The following ALPL variants were observed in gnomAD, a reference collection of about 807,000 sequenced individuals.
ALPL encodes the protein alkaline phosphatase, tissue-nonspecific isozyme.
Under a neutral mutation model 51.3 loss-of-function variants are expected in ALPL, and 42 were observed. The ratio of observed to expected loss-of-function variants is 0.82; its 90% CI spans 0.64 to 1.06. The LOEUF is 1.06. Ranked by LOEUF, ALPL falls within the 50% of genes least tolerant of loss-of-function variation. The pLI is 0.00. For missense variants in ALPL, 589 were observed against 709.4 expected, an observed-to-expected ratio of 0.83 and a Z score of 1.93; for synonymous variants, 279 against 296.4, an observed-to-expected ratio of 0.94 and a Z score of 0.60.
At chr1:21,544,451 CAA>C in intron 1 of ALPL, among the ~76,000 whole-genome samples, 1 of 152,186 alleles carries the variant, frequency 6.6e-6, no homozygotes, top group East Asian at 1.9e-4. Context: ...AATTTTAAAA[CAA>C]AATTATGAGC....
chr1:21,516,598 C>T (rs1275885572), intron 1 of ALPL, among the ~76,000 whole-genome samples: 1 of 152,186 alleles, frequency 6.6e-6, no homozygotes, highest in Non-Finnish European at 1.5e-5. Flanking sequence ...TGTTTGTTCC[C>T]TGCGGTGACC....
chr1:21,527,220 C>T (rs1345694081), intron 1 of ALPL, among the ~76,000 whole-genome samples: 3 of 151,716 alleles, frequency 2.0e-5, no homozygotes, highest in Admixed American at 6.6e-5. Flanking sequence ...TTAGTAGAGA[C>T]GGGGTTTCTC....
chr1:21,522,680 T>C (rs900415743), intron 1 of ALPL, among the ~76,000 whole-genome samples: 1 of 152,152 alleles, frequency 6.6e-6, no homozygotes, highest in African/African-American at 2.4e-5. Context: ...GACTATAAAA[T>C]GCCTCATCCA....
chr1:21,568,365 C>A, intron 7 of ALPL, 118 bp downstream of exon 7: 1 of 1,406,820 alleles, frequency 7.1e-7, no homozygotes. Flanking sequence ...ATCTTTCCTC[C>A]ATGGGCTCAA....
upstream of ALPL, among the ~76,000 whole-genome samples, chr1:21,509,166 C>G (rs1040530789): frequency 6.6e-6 from 1 of 152,072 alleles, no homozygotes; most frequent in East Asian, 1.9e-4. This position sits in a 1 kb window ranked among gnomAD's most constrained non-coding sequence, Gnocchi z 6.0. Flanking sequence ...AGCCCGGAGG[C>G]AGAGAGACCG....
intron 1 of ALPL, among the ~76,000 whole-genome samples, chr1:21,514,916 C>G (rs1643764872): frequency 6.6e-6 from 1 of 152,120 alleles, no homozygotes; most frequent in Non-Finnish European, 1.5e-5. Context: ...TTACTCCTCC[C>G]CTAGGTCTCT....
At chr1:21,570,752 G>T (rs1644636234) in intron 8 of ALPL, among the ~76,000 whole-genome samples, 2 of 152,194 alleles carry the variant, frequency 1.3e-5, no homozygotes, top group Non-Finnish European at 2.9e-5. Context: ...TGTGTGCATG[G>T]CCAGGGCAGA....
chr1:21,559,489 A>G (rs1697417), intron 2 of ALPL, among the ~76,000 whole-genome samples: 51,300 of 152,050 alleles, frequency 0.34, 9,056 homozygotes, highest in Middle Eastern at 0.44. Flanking sequence ...GAGGGAGGTG[A>G]CAGAGCTAGT....
chr1:21,571,596 C>T (rs911992843), intron 8 of ALPL, among the ~76,000 whole-genome samples: 5 of 151,986 alleles, frequency 3.3e-5, no homozygotes, highest in Admixed American at 2.6e-4. Flanking sequence ...GGTATGAACC[C>T]GGGAGGCGGA....
At chr1:21,525,936 C>G (rs952693128) in intron 1 of ALPL, among the ~76,000 whole-genome samples, 1 of 151,978 alleles carries the variant, frequency 6.6e-6, no homozygotes, top group Non-Finnish European at 1.5e-5. Flanking sequence ...GGCAGTGAGC[C>G]AAGATGGCAC....
chr1:21,570,074 T>G (rs1180873822), intron 7 of ALPL, among the ~76,000 whole-genome samples: 1 of 152,170 alleles, frequency 6.6e-6, no homozygotes, highest in African/African-American at 2.4e-5. Context: ...GTCCTGTGTC[T>G]GGGCTCACGG....
At chr1:21,562,170 CT>C (rs1644494039) in intron 4 of ALPL, among the ~76,000 whole-genome samples, 3 of 152,278 alleles carry the variant, frequency 2.0e-5, no homozygotes, top group Admixed American at 1.3e-4. Flanking sequence ...CTACAGTAGT[CT>C]TTTAAGTGTG....
intron 1 of ALPL, among the ~76,000 whole-genome samples, chr1:21,541,957 G>GC (rs1644192536): frequency 6.6e-6 from 1 of 152,134 alleles, no homozygotes; most frequent in African/African-American, 2.4e-5. Context: ...CCCAGCACTG[G>GC]CCCACTGCCC....
chr1:21,577,553 C>G lies in ALPL; in HGVS notation c.1480C>G (p.Leu494Val), dbSNP rs772080508. 16 of 1,605,088 alleles carry G rather than the reference C, an allele frequency of 1.0e-5. No homozygotes were observed. Among genetic ancestry groups the G allele is most frequent in the Non-Finnish European group, 5.1e-6 (6 of 1,179,854 alleles). ...GTATGCAGCCTGCATCGGGGCCAAC[C>G]TCGGCCACTGTGCTCCTGCCAGCTC... ...MAYAACIGAN[L>V]GHCAPASSAG... is the part of the protein sequence containing the mutation. Residue 494 changes from leucine to valine, a missense_variant, in exon 12 of 12, where the codon CTC becomes GTC. Transcript: ENST00000374840.
intron 1 of ALPL, among the ~76,000 whole-genome samples, chr1:21,545,829 T>C (rs1014771554): frequency 1.6e-4 from 24 of 152,128 alleles, no homozygotes; most frequent in African/African-American, 5.3e-4. Flanking sequence ...TATTTTATTT[T>C]ATTTTGAGAC....
chr1:21,528,342 G>GT (rs11368122), intron 1 of ALPL, among the ~76,000 whole-genome samples: 2,514 of 111,556 alleles, frequency 0.023, 56 homozygotes, highest in African/African-American at 0.04. Context: ...GACCTATTCA[G>GT]TTTTTTTTTT....
chr1:21,558,880 G>A (rs987598625), intron 2 of ALPL, among the ~76,000 whole-genome samples: 2 of 152,176 alleles, frequency 1.3e-5, no homozygotes, highest in Non-Finnish European at 2.9e-5. Flanking sequence ...CGACGCGTGA[G>A]TTTCCGGTTC....
intron 1 of ALPL, among the ~76,000 whole-genome samples, chr1:21,529,950 T>A (rs946168460): frequency 6.6e-6 from 1 of 152,158 alleles, no homozygotes; most frequent in Admixed American, 6.6e-5. Flanking sequence ...TTTTTTTGTA[T>A]TTTTTGTAGA....
At chr1:21,523,274 G>A (rs1033229524) in intron 1 of ALPL, among the ~76,000 whole-genome samples, 2 of 152,154 alleles carry the variant, frequency 1.3e-5, no homozygotes, top group African/African-American at 4.8e-5. Context: ...ACTCCAGACT[G>A]GGCGACAGAG....
Sources: allele counts gnomAD v4.1 joint callset (sites outside exome capture counted in the v4.1 genomes callset), GRCh38; gene constraint gnomAD v4.1.1; non-coding constraint Gnocchi (gnomAD v3.1); transcripts MANE v1.5; gene names NCBI Gene and HGNC (gene_info 2026-07-23, HGNC 2026-07-21).